Variants in FAM53C observed in about 807,000 individuals in gnomAD.
FAM53C encodes protein FAM53C.
A neutral mutation model predicts 34.7 loss-of-function variants in FAM53C; 10 were observed. That is an observed-to-expected ratio of 0.29 (90% confidence interval 0.18 to 0.49). The LOEUF is 0.49. Ranked by LOEUF, FAM53C falls within the 20% of genes least tolerant of loss-of-function variation. FAM53C has a pLI of 0.99. For synonymous variants in FAM53C, 203 were observed against 203.6 expected (o/e 1.00, Z 0.03); for missense variants, 442 against 515.3 (o/e 0.86, Z 1.38).
intron 1 of FAM53C, among the ~76,000 whole-genome samples, chr5:138,340,109 A>G (rs1760991596): frequency 6.6e-6 from 1 of 151,850 alleles, no homozygotes; most frequent in Admixed American, 6.5e-5. Flanking sequence ...GTCTGTGTGG[A>G]CTCCTGATTT....
intron 1 of FAM53C, among the ~76,000 whole-genome samples, chr5:138,338,577 G>T (rs1056476036): frequency 3.3e-4 from 45 of 138,232 alleles, no homozygotes; most frequent in African/African-American, 1.2e-3. Flanking sequence ...CCCCCTGAGC[G>T]AGCCCTGGCG....
chr5:138,338,277 G>T lies in FAM53C; in HGVS notation c.-183G>T. On this transcript the variant is annotated 5_prime_UTR_variant, in exon 1 of 5. Transcript: ENST00000239906. ...CGAACCGAGCGCTCAGAGCTGCTCCGGCCGCGGCCCTGGGAGCTGGAGGAA... is the reference window on the plus strand; with the variant it reads ...CGAACCGAGCGCTCAGAGCTGCTCCTGCCGCGGCCCTGGGAGCTGGAGGAA... 1.1e-6 allele frequency: 1 copy of T among 915,706 alleles called. No individual in the cohort carries two copies. The highest frequency in any genetic ancestry group is 1.5e-6 in the Non-Finnish European group (1 of 648,386). 56.7% of individuals were successfully genotyped at this position (915,706 alleles called of 1,614,324 possible).
Position 138,346,886 on chromosome 5 carries a change from A to G in FAM53C, c.1106A>G (p.Gln369Arg), listed in dbSNP as rs764404077. 4 of 1,614,174 alleles carry G rather than the reference A, an allele frequency of 2.5e-6. No individual in the cohort carries two copies. The South Asian group carries it at 4.4e-5, about 18-fold the overall frequency. ...GAGGGGGCTGTGCGGTGGGGTCGGC[A>G]GGCGCTGAGCAAGCGGACACTGTGC... ...EEEGAVRWGR[Q>R]ALSKRTLCQR... Residue 369 changes from glutamine to arginine, a missense_variant, in exon 5 of 5, where the codon CAG (glutamine) becomes CGG (arginine). Coordinates refer to ENST00000239906, the MANE Select transcript of FAM53C (RefSeq NM_016605.3).
chr5:138,342,110 A>G (rs1761049139), intron 3 of FAM53C: 1 of 473,542 alleles, frequency 2.1e-6, no homozygotes, highest in Non-Finnish European at 3.8e-6. Flanking sequence ...ATACATTCAC[A>G]TGGTTCAAAA....
rs1290127834 is a variant in FAM53C, at chr5:138,346,822, G to C, written c.1042G>C (p.Gly348Arg). 8.7e-6 allele frequency: 14 copies of C among 1,614,164 alleles called. No individual in the cohort carries two copies. Among genetic ancestry groups the C allele is most frequent in the Non-Finnish European group, 1.2e-5 (14 of 1,180,040 alleles). The change falls in exon 5 of 5, where the codon GGT becomes CGT. Residue 348 changes from glycine (G) to arginine (R), a missense_variant. Physicochemically the swap from Gly to Arg is moderately radical, Grantham distance 125. Transcript: ENST00000239906. ...PLSASCSPTG[G>R]SSQVLSESEE... ...CTCTGCTTCCTGCAGCCCCACTGGG[G>C]GTTCCTCCCAGGTGCTGAGTGAAAG...
rs1284463311 is a variant in FAM53C at position 138,339,675 on chromosome 5, T to A, written c.-153+1368T>A. Among the ~76,000 whole-genome samples, 6 of 152,192 alleles carry A rather than the reference T, an allele frequency of 3.9e-5. 1 individual carries two copies. The highest frequency in any genetic ancestry group is 2.1e-4 in the South Asian group (1 of 4,834). On this transcript the variant is annotated intron_variant, in intron 1 of 4. Transcript: ENST00000239906. ...TAAGAAACCAAGAGCAGAAGTGATA[T>A]AAGCTTTAGCTTCTCCCGTAAGAAT... is the stretch of plus-strand genomic sequence containing the variant.
chr5:138,343,793 T>G (rs1761097529), intron 3 of FAM53C: 1 of 152,254 alleles, frequency 6.6e-6, no homozygotes, highest in Non-Finnish European at 1.5e-5. Context: ...CTCTTCCTCC[T>G]GTTTATTAAA....
In FAM53C at chr5:138,349,188, A is replaced by G. The variant is rs1761257896; in HGVS notation, c.*2229A>G. 1 of 152,694 alleles carries G rather than the reference A, an allele frequency of 6.5e-6. No homozygotes were observed. Among genetic ancestry groups the G allele is most frequent in the South Asian group, 2.1e-4 (1 of 4,836 alleles). 9.5% of individuals were successfully genotyped at this position (152,694 alleles called of 1,614,324 possible). A position where few individuals can be genotyped will look rare whatever the true frequency, so the allele number is the denominator to read the frequency against. The stretch of plus-strand genomic sequence containing the variant: ...CAAGAATTGGTTCATTTTGCTTTAC[A>G]CAGTAGATCTGTTCCAACAGTTCTG... On this transcript the variant is annotated 3_prime_UTR_variant, in exon 5 of 5. Coordinates refer to ENST00000239906, the MANE Select transcript of FAM53C (RefSeq NM_016605.3).
At chr5:138,341,921 AT>A (rs1253983997) in intron 3 of FAM53C, 55 bp downstream of exon 3, 2 of 1,559,514 alleles carry the variant, frequency 1.3e-6, no homozygotes, top group Non-Finnish European at 1.8e-6. Flanking sequence ...CTCTCCACAC[AT>A]TTCTATCATT....
chr5:138,344,266 G>T (rs999911950), intron 3 of FAM53C, among the ~76,000 whole-genome samples: 5 of 152,152 alleles, frequency 3.3e-5, no homozygotes, highest in Non-Finnish European at 7.4e-5. Flanking sequence ...CACCCTGTTT[G>T]CCCTCCCTAG....
At chr5:138,341,538 C>T in intron 2 of FAM53C, 125 bp downstream of exon 2, 1 of 965,300 alleles carries the variant, frequency 1.0e-6, no homozygotes, top group Non-Finnish European at 1.6e-6. Context: ...GAAGAGCCCA[C>T]TAATGGCTCA....
chr5:138,344,861 G>T lies in FAM53C; in HGVS notation c.173G>T (p.Cys58Phe). 4 of 1,601,156 alleles carry T rather than the reference G, an allele frequency of 2.5e-6. No homozygotes were observed. Among genetic ancestry groups the T allele is most frequent in the Non-Finnish European group, 3.4e-6 (4 of 1,173,548 alleles). ...ASWRGLPHCS[C>F]AEFQDSLNFS... is the part of the protein sequence containing the mutation. ...TGGAGGGGCCTGCCCCACTGTTCCT[G>T]TGCTGAGTTCCAGGACAGCCTCAAC... Residue 58 changes from cysteine (C) to phenylalanine (F), a missense_variant, in exon 4 of 5, where the codon TGT becomes TTT. By Grantham distance (205) the Cys-to-Phe change is radical. Transcript: ENST00000239906.
intron 3 of FAM53C, among the ~76,000 whole-genome samples, chr5:138,344,570 G>T (rs1392359594): frequency 6.6e-6 from 1 of 152,214 alleles, no homozygotes; most frequent in East Asian, 1.9e-4. Flanking sequence ...GAGCATAGTG[G>T]TTTAAAAACC....
rs1441444405 is a variant in FAM53C at position 138,348,360 on chromosome 5, T to C, written c.*1401T>C. On this transcript the variant is annotated 3_prime_UTR_variant, in exon 5 of 5. Coordinates refer to ENST00000239906, the MANE Select transcript of FAM53C (RefSeq NM_016605.3). Reference sequence around the variant, plus strand: ...GCCACAGTGATGGGTTTAAGTACCTTGGTAGGGCTGGCACCAGTGGAAACA... The same window carrying C: ...GCCACAGTGATGGGTTTAAGTACCTCGGTAGGGCTGGCACCAGTGGAAACA... 1 of 152,372 alleles carries C rather than the reference T, an allele frequency of 6.6e-6. No homozygotes were observed. The highest frequency in any genetic ancestry group is 1.5e-5 in the Non-Finnish European group (1 of 68,032). 9.4% of individuals were successfully genotyped at this position (152,372 alleles called of 1,614,324 possible). A position where few individuals can be genotyped will look rare whatever the true frequency, so the allele number is the denominator to read the frequency against.
chr5:138,343,919 T>A (rs1761100167), intron 3 of FAM53C, among the ~76,000 whole-genome samples: 1 of 152,200 alleles, frequency 6.6e-6, no homozygotes, highest in South Asian at 2.1e-4. Context: ...AGTATGAATT[T>A]TGCCACCATC....
In FAM53C at chr5:138,349,453, C is replaced by G. The variant is rs994440966; in HGVS notation, c.*2494C>G. On this transcript the variant is annotated 3_prime_UTR_variant, in exon 5 of 5. Transcript: ENST00000239906. ...GTGGTTGGCCAGTAGGTGAGTATCC[C>G]TGTGTGTGTGAGTGAAGCCACTCCC... 2 of 152,674 alleles carry G rather than the reference C, an allele frequency of 1.3e-5. No homozygotes were observed. Among genetic ancestry groups the G allele is most frequent in the African/African-American group, 4.8e-5 (2 of 41,440 alleles). 9.5% of individuals were successfully genotyped at this position (152,674 alleles called of 1,614,324 possible).
In FAM53C at chr5:138,345,283, G is replaced by A. The variant is rs762996492; in HGVS notation, c.595G>A (p.Ala199Thr). 2 of 1,614,050 alleles carry A rather than the reference G, an allele frequency of 1.2e-6. No homozygotes were observed. The highest frequency in any genetic ancestry group is 2.7e-5 in the African/African-American group (2 of 74,920). ...CCCTCCTTTCTTCAGCCTGGCCCTG[G>A]CCCAAGATTCCTCTCGACCCTGCGC... ...YSPPFFSLAL[A>T]QDSSRPCAAS... Residue 199 changes from alanine to threonine, a missense_variant, in exon 4 of 5, where the codon GCC (alanine) becomes ACC (threonine). Physicochemically the swap from Ala to Thr is moderately conservative, Grantham distance 58. Coordinates refer to ENST00000239906, the MANE Select transcript of FAM53C (RefSeq NM_016605.3). The surrounding 1 kb of genome is among the most constrained non-coding windows in gnomAD (Gnocchi z 6.3).
chr5:138,346,988 C>T lies in FAM53C; in HGVS notation c.*29C>T, dbSNP rs1324987385. ...TGAGAGGCTACTTCCTGGGGCCACA[C>T]AGACTGACTCTCTCATGGCTACTAA... is the stretch of plus-strand genomic sequence containing the variant. On this transcript the variant is annotated 3_prime_UTR_variant, in exon 5 of 5. Coordinates refer to ENST00000239906, the MANE Select transcript of FAM53C (RefSeq NM_016605.3). The T allele has an allele frequency of 6.2e-7, 1 of 1,612,952 alleles. No homozygotes were observed. The highest frequency in any genetic ancestry group is 8.5e-7 in the Non-Finnish European group (1 of 1,179,624).
At position 138,344,858 on chromosome 5, in the gene FAM53C, C is replaced by A. The variant is rs182534639; in HGVS notation, c.170C>A (p.Ser57Tyr). 9.4e-6 allele frequency: 15 copies of A among 1,597,404 alleles called. No individual in the cohort carries two copies. In the African/African-American group the frequency reaches 1.9e-4, roughly 20 times the overall value. ...GASWRGLPHC[S>Y]CAEFQDSLNF... ...TCCTGGAGGGGCCTGCCCCACTGTT[C>A]CTGTGCTGAGTTCCAGGACAGCCTC... The change falls in exon 4 of 5, where the codon TCC becomes TAC. Residue 57 changes from serine to tyrosine, a missense_variant. By Grantham distance (144) the Ser-to-Tyr change is moderately radical. Coordinates refer to ENST00000239906, the MANE Select transcript of FAM53C (RefSeq NM_016605.3).
Sources: gnomAD v4.1 joint callset for allele counts (sites outside exome capture counted in the v4.1 genomes callset) on GRCh38, gnomAD v4.1.1 for gene constraint, Gnocchi (gnomAD v3.1) non-coding constraint, MANE v1.5 for transcripts, NCBI Gene and HGNC (gene_info 2026-07-23, HGNC 2026-07-21) for gene names.